The following ASIC2 variants were observed in gnomAD, a reference collection of about 807,000 sequenced individuals.
ASIC2 encodes acid sensing ion channel subunit 2, also known as acid-sensing ion channel 2.
In ASIC2, 25 loss-of-function variants were observed where a neutral mutation model predicts 57.3. That is an observed-to-expected ratio of 0.44 (90% confidence interval 0.32 to 0.61). ASIC2 has a LOEUF of 0.61. Ranked by LOEUF, ASIC2 falls within the 20% of genes least tolerant of loss-of-function variation. The pLI, the probability that ASIC2 is intolerant of heterozygous loss-of-function variation, is 0.06. For synonymous variants in ASIC2, 319 were observed against 307.5 expected (o/e 1.04, Z -0.39); for missense variants, 641 against 738.1 (o/e 0.87, Z 1.52).
chr17:33,640,059 G>T (rs1013869090), intron 1 of ASIC2, among the ~76,000 whole-genome samples: 1 of 152,110 alleles, frequency 6.6e-6, no homozygotes, highest in Non-Finnish European at 1.5e-5. Flanking sequence ...ATTTCTGATC[G>T]CTGTGTCGGA....
Position 33,460,380 on chromosome 17 carries a change from T to C in ASIC2, c.556-348313A>G, listed in dbSNP as rs547401573. ...TACAAGGAAGCTGGGAGGTGGGAAT[T>C]AGTGCGGCCCTTTATTTGTATCCTG... On this transcript the variant is annotated intron_variant, in intron 1 of 9. Transcript: ENST00000359872. 8.4e-4 allele frequency among the ~76,000 whole-genome samples: 128 copies of C among 152,132 alleles called. 1 individual carries two copies. The highest frequency in any genetic ancestry group is 2.6e-3 in the Admixed American group (40 of 15,296).
chr17:33,207,606 A>G (rs1183152657), intron 1 of ASIC2, among the ~76,000 whole-genome samples: 5 of 152,210 alleles, frequency 3.3e-5, no homozygotes, highest in African/African-American at 1.2e-4. Context: ...GGCTTGTAGC[A>G]GATGCTTTCA....
At chr17:33,494,850 G>A (rs1913877823) in intron 1 of ASIC2, among the ~76,000 whole-genome samples, 1 of 152,156 alleles carries the variant, frequency 6.6e-6, no homozygotes, top group African/African-American at 2.4e-5. Context: ...AGAAAGTGAT[G>A]ACGCCCTGTG....
chr17:33,789,476 A>T (rs796091482), intron 1 of ASIC2, among the ~76,000 whole-genome samples: 6,283 of 151,682 alleles, frequency 0.041, 311 homozygotes, highest in African/African-American at 0.13. Flanking sequence ...ACACACACAC[A>T]CACACACACA....
intron 1 of ASIC2, among the ~76,000 whole-genome samples, chr17:33,891,463 G>C (rs373977): frequency 0.28 from 41,918 of 152,016 alleles, 5,998 homozygotes; most frequent in Middle Eastern, 0.37. Context: ...TAATGAACCT[G>C]TCTTCTGAAT....
At chr17:33,740,355 G>A (rs1020958573) in intron 1 of ASIC2, among the ~76,000 whole-genome samples, 8 of 152,206 alleles carry the variant, frequency 5.3e-5, no homozygotes, top group Non-Finnish European at 8.8e-5. Flanking sequence ...GGGAGGCCTC[G>A]GGAAACTTAC....
At position 33,573,352 on chromosome 17, in the gene ASIC2, C is replaced by T. The variant is rs542898282; in HGVS notation, c.556-461285G>A. The stretch of plus-strand genomic sequence containing the variant: ...CAGAGAAAAATTAAACAAATACCCA[C>T]GGCCCATCTCAGGAAATGAAACATT... On this transcript the variant is annotated intron_variant, in intron 1 of 9. Transcript: ENST00000359872. Among the ~76,000 whole-genome samples the T allele has an allele frequency of 7.9e-5, 12 of 152,232 alleles. No homozygotes were observed. The South Asian group carries it at 8.3e-4, about 11-fold the overall frequency.
intron 1 of ASIC2, among the ~76,000 whole-genome samples, chr17:33,668,272 CTTTTTTTTT>C (rs397856474): frequency 6.5e-5 from 4 of 61,388 alleles, no homozygotes; most frequent in East Asian, 4.4e-4. Flanking sequence ...ATCAAATGTT[CTTTTTTTTT>C]TTTTTTTTTT....
intron 1 of ASIC2, among the ~76,000 whole-genome samples, chr17:34,094,648 T>A (rs1451987092): frequency 6.6e-6 from 1 of 152,346 alleles, no homozygotes; most frequent in African/African-American, 2.4e-5. Context: ...GAAAAGGTTA[T>A]CTAGCTCAAC....
chr17:33,913,504 G>A (rs1185149840), intron 1 of ASIC2, among the ~76,000 whole-genome samples: 1 of 151,992 alleles, frequency 6.6e-6, no homozygotes, highest in Non-Finnish European at 1.5e-5. Flanking sequence ...CTCCCCTTTA[G>A]CCCATGCCAA....
chr17:34,127,157 C>T (rs1210797846), intron 1 of ASIC2, among the ~76,000 whole-genome samples: 3 of 152,120 alleles, frequency 2.0e-5, no homozygotes, highest in Admixed American at 6.5e-5. Flanking sequence ...GTTTGTTTTT[C>T]GTTATGAGTA....
chr17:33,300,739 A>T (rs770511687), intron 1 of ASIC2, among the ~76,000 whole-genome samples: 25 of 152,238 alleles, frequency 1.6e-4, no homozygotes, highest in Non-Finnish European at 2.9e-4. Context: ...CCAGTTTAGG[A>T]TTCAGAAGTT....
chr17:33,287,888 A>G (rs536783459), intron 1 of ASIC2, among the ~76,000 whole-genome samples: 1 of 152,284 alleles, frequency 6.6e-6, no homozygotes, highest in East Asian at 1.9e-4. Context: ...TGTTCCCAAA[A>G]GGAATAAATG....
At chr17:33,665,299 C>T (rs1477009712) in intron 1 of ASIC2, among the ~76,000 whole-genome samples, 1 of 152,018 alleles carries the variant, frequency 6.6e-6, no homozygotes, top group Non-Finnish European at 1.5e-5. Flanking sequence ...TCGAGGTGTA[C>T]TCAAAAGTAT....
chr17:33,029,275 G>T (rs1359283145), intron 3 of ASIC2, among the ~76,000 whole-genome samples: 1 of 152,192 alleles, frequency 6.6e-6, no homozygotes, highest in African/African-American at 2.4e-5. Context: ...TTCTGTCCCT[G>T]TCCAATCAGT....
intron 1 of ASIC2, among the ~76,000 whole-genome samples, chr17:33,503,059 C>T (rs1341665091): frequency 6.6e-6 from 1 of 152,162 alleles, no homozygotes; most frequent in Non-Finnish European, 1.5e-5. Flanking sequence ...AGTCCTGATG[C>T]CTCCCTGGGC....
intron 3 of ASIC2, among the ~76,000 whole-genome samples, chr17:33,061,045 C>A (rs1009680461): frequency 4.6e-5 from 7 of 152,164 alleles, no homozygotes; most frequent in African/African-American, 1.7e-4. Flanking sequence ...TGCTTATCAG[C>A]TTAAGGAGAT....
intron 3 of ASIC2, among the ~76,000 whole-genome samples, chr17:33,075,169 A>G (rs984123306): frequency 6.6e-5 from 10 of 152,262 alleles, no homozygotes; most frequent in Non-Finnish European, 1.3e-4. Flanking sequence ...TACTGTTCTC[A>G]TGGTAGTGAA....
intron 1 of ASIC2, among the ~76,000 whole-genome samples, chr17:33,419,330 A>G (rs1441238032): frequency 6.6e-6 from 1 of 152,232 alleles, no homozygotes; most frequent in African/African-American, 2.4e-5. Flanking sequence ...GTTTAAAGAA[A>G]TAATGTCAAG....
Sources: allele counts gnomAD v4.1 joint callset (sites outside exome capture counted in the v4.1 genomes callset), GRCh38; gene constraint gnomAD v4.1.1; transcripts MANE v1.5; gene names NCBI Gene and HGNC (gene_info 2026-07-23, HGNC 2026-07-21).